The following C17orf58 variants were observed in gnomAD, a reference collection of about 807,000 sequenced individuals.
The protein encoded by C17orf58 is chromosome 17 open reading frame 58, also known as UPF0450 protein C17orf58.
A neutral mutation model predicts 7.4 loss-of-function variants in C17orf58; 5 were observed. The observed-to-expected ratio is 0.67, with a 90% CI of 0.35 to 1.42. C17orf58 has a LOEUF of 1.42. C17orf58 is among the 40% of genes most tolerant of loss of function. C17orf58 has a pLI of 0.04. For synonymous variants in C17orf58, 60 were observed against 70.6 expected, an observed-to-expected ratio of 0.85 and a Z score of 0.75; for missense variants, 162 against 174.2, an observed-to-expected ratio of 0.93 and a Z score of 0.40.
In C17orf58 at chr17:67,993,028, A is replaced by C. The variant is rs373219606; in HGVS notation, c.829+16T>G. 3.6e-5 allele frequency: 58 copies of C among 1,614,106 alleles called. No individual in the cohort carries two copies. Among genetic ancestry groups the C allele is most frequent in the Non-Finnish European group, 4.2e-5 (50 of 1,180,042 alleles). Reference sequence around the variant, plus strand: ...ATAAAGTACATATGCAGCGTCATTCAGGTCAGTTTCAATACCAGGTTTAAA... The same window carrying C: ...ATAAAGTACATATGCAGCGTCATTCCGGTCAGTTTCAATACCAGGTTTAAA... On this transcript the variant is annotated intron_variant, in intron 3 of 3. Transcript: ENST00000580729. This position sits in a 1 kb window ranked among gnomAD's most constrained non-coding sequence, Gnocchi z 5.1.
At position 67,993,314 on chromosome 17, in the gene C17orf58, C is replaced by T. The variant is rs1395678855; in HGVS notation, c.638-79G>A. The stretch of plus-strand genomic sequence containing the variant: ...TCCCCCAGGAGGTGGTTTTTAGCAA[C>T]CGCGAAACGGCCCGCACGGGTCAGG... On this transcript the variant is annotated intron_variant, in intron 2 of 3. Transcript: ENST00000580729. This position sits in a 1 kb window ranked among gnomAD's most constrained non-coding sequence, Gnocchi z 5.1. 4.4e-6 allele frequency: 4 copies of T among 898,918 alleles called. No individual in the cohort carries two copies. Among genetic ancestry groups the T allele is most frequent in the Non-Finnish European group, 3.4e-6 (2 of 591,620 alleles). The allele number at this position is 898,918 out of a possible 1,614,324, so 55.7% of individuals were successfully genotyped here. A position where few individuals can be genotyped will look rare whatever the true frequency, so the allele number is the denominator to read the frequency against.
chr17:67,993,554 C>CGGCGCG lies in C17orf58; in HGVS notation c.501_506dup (p.Ala168_Pro169dup), dbSNP rs1555699492. Reference sequence around the variant, plus strand: ...CGAAGCTGAGGCTGAAGCGCGGCGGCGGCGCGGGCGCGGGTCCCGGGGCCA... The same window carrying CGGCGCG: ...CGAAGCTGAGGCTGAAGCGCGGCGGCGGCGCGGGCGCGGGCGCGGGTCCCGGGGCCA... On this transcript the variant is annotated inframe_insertion, in exon 2 of 4. Coordinates refer to ENST00000580729, the MANE Select transcript of C17orf58 (RefSeq NM_001382359.1). The surrounding 1 kb of genome is among the most constrained non-coding windows in gnomAD (Gnocchi z 5.1). 9.6e-6 allele frequency: 3 copies of CGGCGCG among 314,042 alleles called. No homozygotes were observed. Among genetic ancestry groups the CGGCGCG allele is most frequent in the South Asian group, 1.4e-4 (1 of 7,172 alleles). The allele number at this position is 314,042 out of a possible 1,614,324, so 19.5% of individuals were successfully genotyped here.
chr17:67,995,049 A>G (rs1217408587), intron 1 of C17orf58, among the ~76,000 whole-genome samples: 2 of 152,206 alleles, frequency 1.3e-5, no homozygotes, highest in African/African-American at 2.4e-5. Flanking sequence ...AGTGCCCTCC[A>G]AACAGGCAAG....
rs1279143687 is a variant in C17orf58 at position 67,993,529 on chromosome 17, CGAAGCTGAGGCT to C, written c.520_531del (p.Ser174_Phe177del). 4 of 374,594 alleles carry C rather than the reference CGAAGCTGAGGCT, an allele frequency of 1.1e-5. No individual in the cohort carries two copies. Among genetic ancestry groups the C allele is most frequent in the Admixed American group, 4.6e-5 (1 of 21,668 alleles). 23.2% of individuals were successfully genotyped at this position (374,594 alleles called of 1,614,324 possible). A position where few individuals can be genotyped will look rare whatever the true frequency, so the allele number is the denominator to read the frequency against. On this transcript the variant is annotated inframe_deletion, in exon 2 of 4. Coordinates refer to ENST00000580729, the MANE Select transcript of C17orf58 (RefSeq NM_001382359.1). The surrounding 1 kb of genome is among the most constrained non-coding windows in gnomAD (Gnocchi z 5.1). ...GCGTCCCTCTGCGGCGGGCTGAGGCCGAAGCTGAGGCTGAAGCGCGGCGGCGGCGCGGGCGCG... is the reference window on the plus strand; with the variant it reads ...GCGTCCCTCTGCGGCGGGCTGAGGCCGAAGCGCGGCGGCGGCGCGGGCGCG...
At chr17:67,994,516 G>GTGTGTGTGTGTA (rs1244199425) in intron 1 of C17orf58, among the ~76,000 whole-genome samples, 17 of 89,536 alleles carry the variant, frequency 1.9e-4, no homozygotes, top group African/African-American at 5.6e-4. Flanking sequence ...GTGTGTGTGT[G>GTGTGTGTGTGTA]TATATATATA....
In C17orf58 at chr17:67,993,420, TC is replaced by T; in HGVS notation, c.637+3del. 1.8e-6 allele frequency: 1 copy of T among 557,696 alleles called. No homozygotes were observed. The highest frequency in any genetic ancestry group is 3.1e-6 in the Non-Finnish European group (1 of 319,870). 34.5% of individuals were successfully genotyped at this position (557,696 alleles called of 1,614,324 possible). On this transcript the variant is annotated splice_donor_region_variant and intron_variant, in intron 2 of 3. Transcript: ENST00000580729. The surrounding 1 kb of genome is among the most constrained non-coding windows in gnomAD (Gnocchi z 5.1). ...CGGGGCGGCGGCGCGGCGGCCGGGC[TC>T]ACCGAATTCGCTCTCGCAGAACGCC... is the stretch of plus-strand genomic sequence containing the variant.
At chr17:67,996,026 C>T (rs2070888867) in intron 1 of C17orf58, 97 bp downstream of exon 1, 1 of 397,592 alleles carries the variant, frequency 2.5e-6, no homozygotes. Flanking sequence ...CGAGCTCTGA[C>T]CCCCCTCCTC....
intron 1 of C17orf58, 31 bp downstream of exon 1, chr17:67,996,092 C>A (rs1338222832): frequency 1.0e-5 from 4 of 398,958 alleles, no homozygotes; most frequent in African/African-American, 2.1e-5. Flanking sequence ...CCCCGCTCCG[C>A]TCCCAGGGCC....
intron 3 of C17orf58, among the ~76,000 whole-genome samples, chr17:67,992,721 C>A (rs1272167080): frequency 8.6e-5 from 13 of 152,022 alleles, no homozygotes; most frequent in Non-Finnish European, 1.3e-4. Context: ...CATACACACC[C>A]AAAAAAGCAG....
In C17orf58 at chr17:67,991,215, GCACAAAACATA is replaced by G. The variant is rs1555699210; in HGVS notation, c.*687_*697del. ...TCACATTGGGATAGCTGCCAGTTCA[GCACAAAACATA>G]CATTACTAGGAGCAGGGAGGCATGA... is the stretch of plus-strand genomic sequence containing the variant. On this transcript the variant is annotated 3_prime_UTR_variant, in exon 4 of 4. Transcript: ENST00000580729. The G allele has an allele frequency of 6.6e-6, 1 of 152,180 alleles. No individual in the cohort carries two copies. The highest frequency in any genetic ancestry group is 1.5e-5 in the Non-Finnish European group (1 of 68,032). The allele number at this position is 152,180 out of a possible 1,614,324, so 9.4% of individuals were successfully genotyped here.
At chr17:67,995,979 T>G (rs1281988141) in intron 1 of C17orf58, 144 bp downstream of exon 1, 18 of 396,562 alleles carry the variant, frequency 4.5e-5, no homozygotes, top group African/African-American at 3.3e-4. Flanking sequence ...CTTTGCTCCT[T>G]TATAAGACGA....
rs2070834460 is a variant in C17orf58, at chr17:67,991,874, C to T, written c.*39G>A. 2 of 1,538,428 alleles carry T rather than the reference C, an allele frequency of 1.3e-6. No individual in the cohort carries two copies. Among genetic ancestry groups the T allele is most frequent in the Middle Eastern group, 1.8e-4 (1 of 5,652 alleles). On this transcript the variant is annotated 3_prime_UTR_variant, in exon 4 of 4. Transcript: ENST00000580729. ...ACCTTTCATGTCTTGTTGCCGACGT[C>T]CAAGTCTCTTGCGGTCCAGAAATGC...
At position 67,993,929 on chromosome 17, in the gene C17orf58, C is replaced by T. The variant is rs1944016343; in HGVS notation, c.132G>A (p.Glu44=). The T allele has an allele frequency of 5.1e-6, 2 of 394,448 alleles. No individual in the cohort carries two copies. Among genetic ancestry groups the T allele is most frequent in the South Asian group, 1.3e-4 (1 of 7,818 alleles). 24.4% of individuals were successfully genotyped at this position (394,448 alleles called of 1,614,324 possible). The part of the protein sequence containing the change: ...PDSRGCPSAE[E]TPGPRAQPLL... Reference sequence around the variant, plus strand: ...GTGGCTGCGCGCGGGGCCCCGGTGTCTCCTCCGCGCTCGGGCAGCCGCGGG... The same window carrying T: ...GTGGCTGCGCGCGGGGCCCCGGTGTTTCCTCCGCGCTCGGGCAGCCGCGGG... Residue 44 remains glutamate, a synonymous_variant, in exon 2 of 4, where the codon GAG becomes GAA. Coordinates refer to ENST00000580729, the MANE Select transcript of C17orf58 (RefSeq NM_001382359.1). The surrounding 1 kb of genome is among the most constrained non-coding windows in gnomAD (Gnocchi z 5.1).
rs781877517 is a variant in C17orf58 at position 67,993,092 on chromosome 17, C to CTAA, written c.778_780dup (p.Leu260dup). On this transcript the variant is annotated inframe_insertion, in exon 3 of 4. Transcript: ENST00000580729. The surrounding 1 kb of genome is among the most constrained non-coding windows in gnomAD (Gnocchi z 5.1). The stretch of plus-strand genomic sequence containing the variant: ...TTATTGCAGCTGGAGGAGTCCAGGG[C>CTAA]TAACATGTGGACTCGGAAGAAGAAG... 4 of 1,613,986 alleles carry CTAA rather than the reference C, an allele frequency of 2.5e-6. No homozygotes were observed. In the African/African-American group the frequency reaches 5.3e-5, roughly 22 times the overall value.
rs1555699314 is a variant in C17orf58 at position 67,992,084 on chromosome 17, C to T, written c.849G>A (p.Met283Ile). The change falls in exon 4 of 4, where the codon ATG (methionine) becomes ATA (isoleucine). Residue 283 changes from methionine to isoleucine, a missense_variant. Transcript: ENST00000580729. Reference protein sequence around the residue: ...EFKPGSRYIVMGHIYHKRRQL... With the variant: ...EFKPGSRYIVIGHIYHKRRQL... The stretch of plus-strand genomic sequence containing the variant: ...GCCGTCTCTTATGGTAGATGTGGCC[C>T]ATCACAATATACCTGCTGCCTGGAC... 2 of 1,595,318 alleles carry T rather than the reference C, an allele frequency of 1.3e-6. No homozygotes were observed. The highest frequency in any genetic ancestry group is 3.5e-5 in the Admixed American group (2 of 56,568).
Position 67,994,497 on chromosome 17 carries a change from T to TGC in C17orf58, c.77-514_77-513insGC, listed in dbSNP as rs1171621584. On this transcript the variant is annotated intron_variant, in intron 1 of 3. Coordinates refer to ENST00000580729, the MANE Select transcript of C17orf58 (RefSeq NM_001382359.1). ...ATGTGTGTATGTGTGCGTGTGCGTGTGTGTGTGTGTGTGTGTGTGTATATA... is the reference window on the plus strand; with the variant it reads ...ATGTGTGTATGTGTGCGTGTGCGTGTGCGTGTGTGTGTGTGTGTGTGTATATA... 1.9e-4 allele frequency among the ~76,000 whole-genome samples: 16 copies of TGC among 83,378 alleles called. 1 individual carries two copies. The highest frequency in any genetic ancestry group is 7.5e-4 in the African/African-American group (16 of 21,292). 54.7% of individuals were successfully genotyped at this position (83,378 alleles called of 152,430 possible). A position where few individuals can be genotyped will look rare whatever the true frequency, so the allele number is the denominator to read the frequency against.
At chr17:67,995,752 G>C (rs868944908) in intron 1 of C17orf58, among the ~76,000 whole-genome samples, 1 of 152,218 alleles carries the variant, frequency 6.6e-6, no homozygotes, top group African/African-American at 2.4e-5. Context: ...CCCAGTCGAG[G>C]GGGGCGGACC....
rs2070862653 is a variant in C17orf58 at position 67,993,630 on chromosome 17, G to A, written c.431C>T (p.Thr144Ile). 6.8e-6 allele frequency: 1 copy of A among 146,926 alleles called. No homozygotes were observed. Among genetic ancestry groups the A allele is most frequent in the South Asian group, 1.8e-4 (1 of 5,604 alleles). The allele number at this position is 146,926 out of a possible 1,614,324, so 9.1% of individuals were successfully genotyped here. Residue 144 changes from threonine (T) to isoleucine (I), a missense_variant, in exon 2 of 4, where the codon ACC becomes ATC. Transcript: ENST00000580729. This position sits in a 1 kb window ranked among gnomAD's most constrained non-coding sequence, Gnocchi z 5.1. ...GTGGGCGTGGCCGGCGGAGCCCTCG[G>A]TGGCGAGCGCGGGCGGCCGGGCGGC... ...FPAARPPALA[T>I]EGSAGHAHPN...
chr17:67,991,712 G>C lies in C17orf58; in HGVS notation c.*201C>G. ...TACAGTTGAATCACCTTGACACTGA[G>C]CTCAGGAGCAGCCCATTTAAGAAGC... On this transcript the variant is annotated 3_prime_UTR_variant, in exon 4 of 4. Transcript: ENST00000580729. The C allele has an allele frequency of 4.4e-6, 2 of 459,278 alleles. No homozygotes were observed. Among genetic ancestry groups the C allele is most frequent in the Non-Finnish European group, 7.7e-6 (2 of 258,468 alleles). The allele number at this position is 459,278 out of a possible 1,614,324, so 28.5% of individuals were successfully genotyped here.
Sources: gnomAD v4.1 joint callset for allele counts (sites outside exome capture counted in the v4.1 genomes callset) on GRCh38, gnomAD v4.1.1 for gene constraint, Gnocchi (gnomAD v3.1) non-coding constraint, MANE v1.5 for transcripts, NCBI Gene and HGNC (gene_info 2026-07-23, HGNC 2026-07-21) for gene names.